Variants in GNB1 observed in about 807,000 individuals in gnomAD.
The protein encoded by GNB1 is guanine nucleotide-binding protein G(I)/G(S)/G(T) subunit beta-1.
A neutral mutation model predicts 42.9 loss-of-function variants in GNB1; 2 were observed. The observed-to-expected ratio is 0.05, with a 90% CI of 0.02 to 0.15. GNB1 has a LOEUF of 0.15. Among genes scored for constraint, GNB1 ranks in the 10% least tolerant of loss-of-function variants. The pLI is 1.00. For missense variants in GNB1, 193 were observed against 462.2 expected (o/e 0.42, Z 5.34); for synonymous variants, 183 against 174.7 (o/e 1.05, Z -0.38).
chr1:1,857,974 G>C (rs374644965), intron 1 of GNB1, among the ~76,000 whole-genome samples: 16 of 152,302 alleles, frequency 1.1e-4, no homozygotes, highest in African/African-American at 3.8e-4. Flanking sequence ...TACCTCAAAA[G>C]ACAAGGCCAC....
intron 7 of GNB1, among the ~76,000 whole-genome samples, chr1:1,795,148 T>C (rs1351281638): frequency 3.3e-5 from 5 of 152,072 alleles, no homozygotes; most frequent in Admixed American, 2.6e-4. Context: ...CAAGTCCAGC[T>C]CAGAGGAGGA....
At position 1,811,425 on chromosome 1, in the gene GNB1, T is replaced by C. The variant is rs143692442; in HGVS notation, c.203+4331A>G. ...GAAAGACAAACTAGGCCGGGCACAG[T>C]GGCTCACCCCTGTAATCCCAGCACT... On this transcript the variant is annotated intron_variant, in intron 5 of 11. Transcript: ENST00000378609. 4.0e-3 allele frequency among the ~76,000 whole-genome samples: 599 copies of C among 151,264 alleles called. 5 individuals carry two copies. Among genetic ancestry groups the C allele is most frequent in the African/African-American group, 0.014 (567 of 41,346 alleles).
At chr1:1,794,931 A>C (rs991714555) in intron 7 of GNB1, among the ~76,000 whole-genome samples, 2 of 152,132 alleles carry the variant, frequency 1.3e-5, no homozygotes, top group African/African-American at 4.8e-5. Context: ...CTTGTGATCC[A>C]CCCACCTCGG....
At chr1:1,889,994 C>G (rs1036544055) in intron 1 of GNB1, among the ~76,000 whole-genome samples, 2 of 152,126 alleles carry the variant, frequency 1.3e-5, no homozygotes, top group African/African-American at 4.8e-5. Flanking sequence ...GCAAACCGGG[C>G]CCCGAAACTC....
chr1:1,803,493 G>A (rs1646653458), intron 7 of GNB1, among the ~76,000 whole-genome samples: 1 of 152,186 alleles, frequency 6.6e-6, no homozygotes, highest in Admixed American at 6.5e-5. Flanking sequence ...TGTTGCCCCA[G>A]CTGGTCTCGA....
intron 1 of GNB1, among the ~76,000 whole-genome samples, chr1:1,881,915 C>G (rs1040322196): frequency 6.6e-6 from 1 of 152,064 alleles, no homozygotes; most frequent in African/African-American, 2.4e-5. Context: ...TCTCATCAGC[C>G]TAGGATACAC....
At chr1:1,803,754 C>T (rs1466809205) in intron 7 of GNB1, among the ~76,000 whole-genome samples, 1 of 151,718 alleles carries the variant, frequency 6.6e-6, no homozygotes, top group Non-Finnish European at 1.5e-5. Flanking sequence ...GAGGCTAAGG[C>T]AGGCGGATCA....
intron 5 of GNB1, among the ~76,000 whole-genome samples, chr1:1,813,314 G>A (rs550273727): frequency 6.6e-6 from 1 of 152,052 alleles, no homozygotes; most frequent in Non-Finnish European, 1.5e-5. Context: ...CGCCATGTTG[G>A]CCAGGAGGCT....
intron 5 of GNB1, among the ~76,000 whole-genome samples, chr1:1,813,416 AT>A (rs1646809757): frequency 6.6e-6 from 1 of 151,908 alleles, no homozygotes; most frequent in African/African-American, 2.4e-5. Context: ...CAGCCAGAAC[AT>A]TTTTTAAAAA....
chr1:1,837,012 C>T (rs1647160642), intron 2 of GNB1, among the ~76,000 whole-genome samples: 1 of 151,828 alleles, frequency 6.6e-6, no homozygotes, highest in Non-Finnish European at 1.5e-5. Flanking sequence ...GAGTTCTTAC[C>T]TATTCTGGAT....
At chr1:1,795,743 ACT>A (rs907342347) in intron 7 of GNB1, among the ~76,000 whole-genome samples, 6 of 87,768 alleles carry the variant, frequency 6.8e-5, no homozygotes, top group African/African-American at 2.0e-4. Context: ...ACAGAGTGAG[ACT>A]CTGCCTCAAA....
chr1:1,866,846 C>T (rs1557940334), intron 1 of GNB1, among the ~76,000 whole-genome samples: 1 of 152,086 alleles, frequency 6.6e-6, no homozygotes, highest in Non-Finnish European at 1.5e-5. Context: ...CCCAGGTACT[C>T]AGGAGGCTGA....
chr1:1,851,809 T>G (rs1183560838), intron 1 of GNB1, among the ~76,000 whole-genome samples: 1 of 152,008 alleles, frequency 6.6e-6, no homozygotes, highest in Non-Finnish European at 1.5e-5. Context: ...TTTGGGAGGC[T>G]GAGGTGGGTG....
intron 1 of GNB1, among the ~76,000 whole-genome samples, chr1:1,865,310 C>G: frequency 7.2e-6 from 1 of 138,584 alleles, no homozygotes. Flanking sequence ...AAACAGGCAA[C>G]ACATTGTGGC....
intron 1 of GNB1, among the ~76,000 whole-genome samples, chr1:1,846,096 G>A (rs570059251): frequency 2.6e-5 from 4 of 152,216 alleles, no homozygotes; most frequent in African/African-American, 9.6e-5. Flanking sequence ...CAGCTTGAAG[G>A]AAGTCTGCTG....
chr1:1,887,939 T>C (rs6603804), intron 1 of GNB1, among the ~76,000 whole-genome samples: 126,254 of 152,212 alleles, frequency 0.83, 54,379 homozygotes, highest in Non-Finnish European at 0.95. Flanking sequence ...AAACAAACAA[T>C]AAAAAAACCA....
intron 4 of GNB1, among the ~76,000 whole-genome samples, chr1:1,817,060 G>A (rs1646868012): frequency 6.6e-6 from 1 of 151,982 alleles, no homozygotes; most frequent in South Asian, 2.1e-4. Context: ...TCCAAAAGGA[G>A]ACCAGACATT....
At chr1:1,829,013 T>TA (rs1647039059) in intron 2 of GNB1, among the ~76,000 whole-genome samples, 1 of 152,288 alleles carries the variant, frequency 6.6e-6, no homozygotes, top group African/African-American at 2.4e-5. Context: ...TCAATTTTTT[T>TA]AAAAAAATTA....
intron 1 of GNB1, among the ~76,000 whole-genome samples, chr1:1,854,732 C>T (rs1180067974): frequency 6.6e-6 from 1 of 152,096 alleles, no homozygotes. Flanking sequence ...TATAGTAAGA[C>T]GTCATGTCTT....
Sources: gnomAD v4.1 joint callset for allele counts (sites outside exome capture counted in the v4.1 genomes callset) on GRCh38, gnomAD v4.1.1 for gene constraint, MANE v1.5 for transcripts, NCBI Gene and HGNC (gene_info 2026-07-23, HGNC 2026-07-21) for gene names.